Variants in SOX5 observed in about 807,000 individuals in gnomAD.
SOX5 encodes the protein transcription factor SOX-5.
A neutral mutation model predicts 92.0 loss-of-function variants in SOX5; 9 were observed. That is an observed-to-expected ratio of 0.10 (90% CI 0.06 to 0.17). The LOEUF (loss-of-function observed/expected upper bound fraction) is 0.17, where lower values mean the gene tolerates loss of function less well. Among genes scored for constraint, SOX5 ranks in the 10% least tolerant of loss-of-function variants. SOX5 has a pLI of 1.00. For missense variants in SOX5, 642 were observed against 944.5 expected (o/e 0.68, Z 4.20); for synonymous variants, 344 against 336.3 (o/e 1.02, Z -0.25).
intron 2 of SOX5, among the ~76,000 whole-genome samples, chr12:24,348,049 C>CAAAAAAAAAAAAA (rs1182462748): frequency 2.5e-4 from 18 of 72,732 alleles, no homozygotes; most frequent in African/African-American, 5.7e-4. Flanking sequence ...TACAGCTAAT[C>CAAAAAAAAAAAAA]AAAAAAAAAA....
intron 7 of SOX5, among the ~76,000 whole-genome samples, chr12:23,648,385 C>A (rs929443337): frequency 6.6e-6 from 1 of 152,110 alleles, no homozygotes; most frequent in African/African-American, 2.4e-5. Flanking sequence ...TTATATGTGT[C>A]ATGGATTGAA....
At chr12:23,861,237 C>T (rs1022114317) in intron 2 of SOX5, among the ~76,000 whole-genome samples, 4 of 152,008 alleles carry the variant, frequency 2.6e-5, no homozygotes, top group Middle Eastern at 3.2e-3. Context: ...CTCTAAAATC[C>T]CTGCCACATA....
chr12:23,941,025 G>A (rs1943534121), intron 1 of SOX5, among the ~76,000 whole-genome samples: 2 of 151,296 alleles, frequency 1.3e-5, no homozygotes, highest in Admixed American at 6.6e-5. Context: ...ACAAGAAAAC[G>A]GGAATGAACC....
chr12:23,941,157 C>T (rs1595801134), intron 1 of SOX5, among the ~76,000 whole-genome samples: 1 of 151,548 alleles, frequency 6.6e-6, no homozygotes, highest in Non-Finnish European at 1.5e-5. Context: ...AAAGTTTCTC[C>T]TGGCTTTCTA....
chr12:24,544,183 A>C (rs1597793653), intron 1 of SOX5, among the ~76,000 whole-genome samples: 1 of 152,324 alleles, frequency 6.6e-6, no homozygotes, highest in African/African-American at 2.4e-5. Flanking sequence ...AAAGATTTTA[A>C]TAAGGAAGCT....
At chr12:24,458,010 C>G (rs1943201591) in intron 1 of SOX5, among the ~76,000 whole-genome samples, 1 of 151,332 alleles carries the variant, frequency 6.6e-6, no homozygotes, top group African/African-American at 2.4e-5. Context: ...ACAGGACACT[C>G]AAGTAAATAT....
At chr12:23,845,393 C>T (rs1001494816) in intron 3 of SOX5, among the ~76,000 whole-genome samples, 2 of 152,088 alleles carry the variant, frequency 1.3e-5, no homozygotes, top group Admixed American at 1.3e-4. Flanking sequence ...AAGATTAGTC[C>T]ATTTGCCTAT....
chr12:23,631,940 A>G (rs991845122), intron 8 of SOX5, among the ~76,000 whole-genome samples: 3 of 152,068 alleles, frequency 2.0e-5, no homozygotes, highest in Admixed American at 6.6e-5. Flanking sequence ...AGCAGTTCCT[A>G]ATAGGTTCTT....
intron 1 of SOX5, among the ~76,000 whole-genome samples, chr12:24,484,716 C>T (rs541928776): frequency 1.3e-5 from 2 of 152,228 alleles, no homozygotes; most frequent in South Asian, 4.1e-4. Flanking sequence ...TTGAGAAAAT[C>T]GTGTCAAAAA....
chr12:24,418,961 T>G (rs998881940), intron 1 of SOX5, among the ~76,000 whole-genome samples: 1 of 152,148 alleles, frequency 6.6e-6, no homozygotes, highest in African/African-American at 2.4e-5. Flanking sequence ...ATGGAGTAGT[T>G]GTCAGAGTTA....
chr12:23,658,061 T>C lies in SOX5; in HGVS notation c.931+7383A>G, dbSNP rs189267405. Reference sequence around the variant, plus strand: ...TGCATATGTTGGGGTGGAAGTTGGATTAAATGCTGGTTACTAATATAGATC... The same window carrying C: ...TGCATATGTTGGGGTGGAAGTTGGACTAAATGCTGGTTACTAATATAGATC... On this transcript the variant is annotated intron_variant, in intron 7 of 14. Transcript: ENST00000451604. Among the ~76,000 whole-genome samples, 308 of 152,290 alleles carry C rather than the reference T, an allele frequency of 2.0e-3. 1 individual carries two copies. The highest frequency in any genetic ancestry group is 3.9e-3 in the Non-Finnish European group (265 of 68,012).
At chr12:24,453,455 CTTGT>C (rs914092391) in intron 1 of SOX5, among the ~76,000 whole-genome samples, 19 of 152,054 alleles carry the variant, frequency 1.2e-4, no homozygotes, top group African/African-American at 4.6e-4. Context: ...AACCATTGAG[CTTGT>C]TTATTTATTT....
chr12:23,608,141 A>AAAAAT (rs2075501701), intron 8 of SOX5, among the ~76,000 whole-genome samples: 3 of 143,976 alleles, frequency 2.1e-5, no homozygotes, highest in African/African-American at 7.6e-5. Flanking sequence ...AAAAAAAAAA[A>AAAAAT]GGCTGAGCTG....
chr12:24,203,985 C>T (rs912109097), intron 4 of SOX5, among the ~76,000 whole-genome samples: 6 of 152,184 alleles, frequency 3.9e-5, no homozygotes, highest in Middle Eastern at 3.4e-3. Context: ...ATCAGAACTA[C>T]ACCAAAAAAG....
intron 3 of SOX5, among the ~76,000 whole-genome samples, chr12:23,802,463 A>T (rs1303885430): frequency 6.6e-6 from 1 of 152,168 alleles, no homozygotes; most frequent in East Asian, 1.9e-4. Context: ...TGAGACTTAA[A>T]TTAAAAATAC....
At chr12:24,435,619 G>T (rs560912333) in intron 1 of SOX5, among the ~76,000 whole-genome samples, 4 of 152,276 alleles carry the variant, frequency 2.6e-5, no homozygotes, top group South Asian at 4.1e-4. Context: ...ATGAGCAAAA[G>T]AAGTTATTTT....
intron 4 of SOX5, among the ~76,000 whole-genome samples, chr12:23,750,642 T>C (rs1192132656): frequency 6.6e-6 from 1 of 151,950 alleles, no homozygotes; most frequent in Non-Finnish European, 1.5e-5. Context: ...AGCAATTTTT[T>C]TAAATGAATG....
intron 3 of SOX5, among the ~76,000 whole-genome samples, chr12:24,270,243 T>C (rs1357261532): frequency 6.6e-6 from 1 of 151,976 alleles, no homozygotes; most frequent in Admixed American, 6.6e-5. Flanking sequence ...GTATTTTTAG[T>C]AGAGACAGGG....
chr12:24,245,457 T>C (rs2023416522), intron 3 of SOX5, among the ~76,000 whole-genome samples: 1 of 152,178 alleles, frequency 6.6e-6, no homozygotes, highest in South Asian at 2.1e-4. Context: ...CTGGACAACC[T>C]GACTTCCCTG....
Sources: allele counts gnomAD v4.1 joint callset (sites outside exome capture counted in the v4.1 genomes callset), GRCh38; gene constraint gnomAD v4.1.1; transcripts MANE v1.5; gene names NCBI Gene and HGNC (gene_info 2026-07-23, HGNC 2026-07-21).